The following ST7 variants were observed in gnomAD, a reference collection of about 807,000 sequenced individuals.
The protein encoded by ST7 is suppressor of tumorigenicity 7 protein.
Under a neutral mutation model 78.7 loss-of-function variants are expected in ST7, and 28 were observed. The ratio of observed to expected loss-of-function variants is 0.36; its 90% CI spans 0.26 to 0.49. The LOEUF is 0.49. Ranked by LOEUF, ST7 falls within the 20% of genes least tolerant of loss-of-function variation. The pLI is 0.99. For synonymous variants in ST7, 247 were observed against 249.6 expected (o/e 0.99, Z 0.10); for missense variants, 418 against 696.0 (o/e 0.60, Z 4.49).
intron 1 of ST7, 25 bp downstream of exon 1, chr7:116,953,716 G>A (rs1157660310): frequency 3.5e-6 from 5 of 1,414,638 alleles, no homozygotes; most frequent in African/African-American, 3.0e-5. Context: ...CCGGGCCCGC[G>A]GCGCCCACCC....
chr7:116,958,589 G>A (rs1792652444), intron 1 of ST7: 1 of 471,126 alleles, frequency 2.1e-6, no homozygotes, highest in Non-Finnish European at 4.4e-6. Context: ...ATCTATCAAG[G>A]ACCAGCTGGC....
At chr7:117,003,425 G>A (rs185646791) in intron 1 of ST7, among the ~76,000 whole-genome samples, 56 of 151,904 alleles carry the variant, frequency 3.7e-4, no homozygotes, top group Admixed American at 3.7e-3. Flanking sequence ...AGCCTCCTGA[G>A]TAGCTGGGAC....
chr7:116,966,215 C>A, intron 1 of ST7: 1 of 267,746 alleles, frequency 3.7e-6, no homozygotes, highest in Non-Finnish European at 7.9e-6. Context: ...TAATTATTTC[C>A]GTAATATATG....
intron 9 of ST7, among the ~76,000 whole-genome samples, chr7:117,151,259 C>T (rs532553097): frequency 5.3e-5 from 8 of 152,318 alleles, no homozygotes; most frequent in Admixed American, 2.6e-4. Context: ...ATGTGGTCTG[C>T]GAGGCCTCAC....
intron 9 of ST7, among the ~76,000 whole-genome samples, chr7:117,160,243 A>AAG (rs1554443221): frequency 1.3e-5 from 2 of 150,500 alleles, no homozygotes; most frequent in East Asian, 2.0e-4. Flanking sequence ...AAAAAAAAAA[A>AAG]AAAGAAAGAA....
At chr7:117,201,547 T>G (rs1289491464) in intron 12 of ST7, among the ~76,000 whole-genome samples, 1 of 148,570 alleles carries the variant, frequency 6.7e-6, no homozygotes, top group Admixed American at 6.6e-5. Flanking sequence ...TTTTTATGTT[T>G]TTTTTGTGTG....
intron 1 of ST7, among the ~76,000 whole-genome samples, chr7:117,048,683 C>T (rs1797614584): frequency 1.3e-5 from 2 of 152,190 alleles, no homozygotes; most frequent in Admixed American, 1.3e-4. Flanking sequence ...GGAAGTCATG[C>T]ACAACATCTG....
At chr7:117,204,746 C>G (rs182300942) in intron 12 of ST7, among the ~76,000 whole-genome samples, 1 of 152,106 alleles carries the variant, frequency 6.6e-6, no homozygotes, top group African/African-American at 2.4e-5. Flanking sequence ...GAGCCAGTTG[C>G]ACCAAAGCAT....
intron 1 of ST7, among the ~76,000 whole-genome samples, chr7:117,065,355 C>T (rs2116470705): frequency 6.6e-6 from 1 of 152,010 alleles, no homozygotes; most frequent in South Asian, 2.1e-4. Context: ...ATTACAGGCA[C>T]CCGCCACCAT....
At chr7:117,033,941 C>G (rs1563028989) in intron 1 of ST7, among the ~76,000 whole-genome samples, 1 of 151,814 alleles carries the variant, frequency 6.6e-6, no homozygotes, top group Admixed American at 6.6e-5. Context: ...TGTTGTTGTT[C>G]TTCTTCCTTT....
chr7:117,034,687 A>C (rs1796787403), intron 1 of ST7, among the ~76,000 whole-genome samples: 1 of 152,194 alleles, frequency 6.6e-6, no homozygotes, highest in South Asian at 2.1e-4. Flanking sequence ...GATTTACTTA[A>C]AGTCATGCAT....
At chr7:116,969,378 TG>T (rs1209799125) in intron 1 of ST7, among the ~76,000 whole-genome samples, 2 of 152,218 alleles carry the variant, frequency 1.3e-5, no homozygotes, top group Non-Finnish European at 2.9e-5. Flanking sequence ...ATCGCTTAAT[TG>T]AGATTTGTTT....
At chr7:117,000,568 T>C (rs1255194404) in intron 1 of ST7, among the ~76,000 whole-genome samples, 2 of 152,234 alleles carry the variant, frequency 1.3e-5, no homozygotes, top group Admixed American at 6.5e-5. Flanking sequence ...AGGTTAGGCC[T>C]ATATCCCACA....
chr7:117,067,598 G>A (rs971371366), intron 1 of ST7, among the ~76,000 whole-genome samples: 1 of 152,148 alleles, frequency 6.6e-6, no homozygotes, highest in African/African-American at 2.4e-5. Context: ...CTGGGGGATG[G>A]TTGGGGTTGG....
intron 13 of ST7, among the ~76,000 whole-genome samples, chr7:117,211,126 A>G (rs1792254986): frequency 6.6e-6 from 1 of 152,228 alleles, no homozygotes; most frequent in Admixed American, 6.5e-5. Context: ...TAAGCTACAG[A>G]TGGGACTCAA....
At chr7:117,115,538 G>A (rs563279641) in intron 2 of ST7, among the ~76,000 whole-genome samples, 3 of 152,130 alleles carry the variant, frequency 2.0e-5, no homozygotes, top group East Asian at 3.9e-4. Context: ...TATTTTTGTA[G>A]AGATGGGGTT....
At chr7:117,069,595 T>C (rs1276800474) in intron 1 of ST7, among the ~76,000 whole-genome samples, 1 of 152,222 alleles carries the variant, frequency 6.6e-6, no homozygotes, top group Non-Finnish European at 1.5e-5. Flanking sequence ...TTGTGTTCCT[T>C]TGGTTGATTA....
chr7:117,041,389 C>T (rs1411725548), intron 1 of ST7, among the ~76,000 whole-genome samples: 1 of 152,040 alleles, frequency 6.6e-6, no homozygotes, highest in African/African-American at 2.4e-5. Flanking sequence ...ACTAAATTAG[C>T]CAGAGCTATA....
chr7:117,222,277 A>T (rs1162405169), intron 15 of ST7, among the ~76,000 whole-genome samples: 2 of 152,240 alleles, frequency 1.3e-5, no homozygotes, highest in African/African-American at 2.4e-5. Flanking sequence ...GCCTCATTTC[A>T]CAACAAATTC....
Sources: allele counts gnomAD v4.1 joint callset (sites outside exome capture counted in the v4.1 genomes callset), GRCh38; gene constraint gnomAD v4.1.1; transcripts MANE v1.5; gene names NCBI Gene and HGNC (gene_info 2026-07-23, HGNC 2026-07-21).